MYOCD: variants seen among roughly 807,000 people sequenced by gnomAD.
The protein encoded by MYOCD is myocardin.
In MYOCD, 32 loss-of-function variants were observed where a neutral mutation model predicts 96.1. That is an observed-to-expected ratio of 0.33 (90% CI 0.25 to 0.45). The LOEUF is 0.45. Among genes scored for constraint, MYOCD ranks in the 20% least tolerant of loss-of-function variants. The probability of loss-of-function intolerance (pLI) is 1.00; values close to 1 mark genes in which losing one functional copy is unlikely to be tolerated. For missense variants in MYOCD, 1,133 were observed against 1,200.6 expected (o/e 0.94, Z 0.83); for synonymous variants, 469 against 469.0 (o/e 1.00, Z 0.00).
intron 5 of MYOCD, among the ~76,000 whole-genome samples, chr17:12,725,674 T>C (rs1311677980): frequency 6.6e-6 from 1 of 150,742 alleles, no homozygotes; most frequent in African/African-American, 2.4e-5. Context: ...ATATGTATTA[T>C]ATTATATTAG....
chr17:12,764,825 T>G lies in MYOCD; in HGVS notation c.*1181T>G, dbSNP rs1214854781. 2 of 152,186 alleles carry G rather than the reference T, an allele frequency of 1.3e-5. No homozygotes were observed. The highest frequency in any genetic ancestry group is 4.8e-5 in the African/African-American group (2 of 41,442). The allele number at this position is 152,186 out of a possible 1,614,324, so 9.4% of individuals were successfully genotyped here. A position where few individuals can be genotyped will look rare whatever the true frequency, so the allele number is the denominator to read the frequency against. On this transcript the variant is annotated 3_prime_UTR_variant, in exon 14 of 14. Transcript: ENST00000425538. The stretch of plus-strand genomic sequence containing the variant: ...CCTAAGAAAGCCATTTTTGAAAAAT[T>G]TAACAATCCAGGTTCTTCTGGAGAA...
Position 12,763,404 on chromosome 17 carries a change from C to T in MYOCD, c.2721C>T (p.Gly907=), listed in dbSNP as rs9913758. 1.2e-6 allele frequency: 2 copies of T among 1,605,518 alleles called. No individual in the cohort carries two copies. The highest frequency in any genetic ancestry group is 2.2e-5 in the East Asian group (1 of 44,758). The part of the protein sequence containing the change: ...DLFNAHEILP[G]PLSPMQTQFS... The stretch of plus-strand genomic sequence containing the variant: ...TCAATGCACATGAGATCTTGCCAGG[C>T]CCCCTCTCTCCAATGCAGACACAGT... The change falls in exon 14 of 14, where the codon GGC becomes GGT. Residue 907 remains glycine (G), a synonymous_variant. Coordinates refer to ENST00000425538, the MANE Select transcript of MYOCD (RefSeq NM_001146312.3).
intron 5 of MYOCD, among the ~76,000 whole-genome samples, chr17:12,727,995 C>G (rs1317086770): frequency 6.6e-6 from 1 of 152,180 alleles, no homozygotes; most frequent in Non-Finnish European, 1.5e-5. Flanking sequence ...GGGACTTGGT[C>G]CTCCTCGGGG....
At chr17:12,668,411 T>C (rs1909490961) in intron 1 of MYOCD, among the ~76,000 whole-genome samples, 1 of 152,258 alleles carries the variant, frequency 6.6e-6, no homozygotes, top group South Asian at 2.1e-4. Flanking sequence ...ATTCTCTGAT[T>C]ACAGCAACAG....
At chr17:12,693,065 T>A (rs2030539241) in intron 1 of MYOCD, among the ~76,000 whole-genome samples, 1 of 152,168 alleles carries the variant, frequency 6.6e-6, no homozygotes, top group Non-Finnish European at 1.5e-5. Flanking sequence ...TTCTCCACTA[T>A]ACTTGACCCA....
chr17:12,749,551 T>G (rs2150716115), intron 9 of MYOCD, among the ~76,000 whole-genome samples: 1 of 149,118 alleles, frequency 6.7e-6, no homozygotes, highest in East Asian at 2.0e-4. Context: ...TATATATGTA[T>G]GTATATACAT....
At chr17:12,760,332 G>A in intron 12 of MYOCD, 1 of 338,408 alleles carries the variant, frequency 3.0e-6, no homozygotes, top group South Asian at 3.3e-5. Context: ...GAAAATGGCG[G>A]TTGCCAGGGG....
At chr17:12,725,458 A>G (rs2031968700) in intron 5 of MYOCD, among the ~76,000 whole-genome samples, 1 of 148,548 alleles carries the variant, frequency 6.7e-6, no homozygotes, top group Non-Finnish European at 1.5e-5. Context: ...TATTATGCAA[A>G]CCAAATAATA....
intron 9 of MYOCD, 101 bp from the exon 10 acceptor site, chr17:12,752,313 T>C: frequency 9.8e-7 from 1 of 1,025,478 alleles, no homozygotes; most frequent in Non-Finnish European, 1.4e-6. Context: ...GTGGGTATTG[T>C]AGAATTCCAT....
intron 5 of MYOCD, among the ~76,000 whole-genome samples, chr17:12,727,882 C>A (rs1273803500): frequency 6.6e-6 from 1 of 152,154 alleles, no homozygotes; most frequent in Non-Finnish European, 1.5e-5. Flanking sequence ...ATCCCACTCC[C>A]AGGCTGCAAG....
At chr17:12,738,645 C>T (rs971695004) in intron 6 of MYOCD, among the ~76,000 whole-genome samples, 10 of 152,188 alleles carry the variant, frequency 6.6e-5, no homozygotes, top group African/African-American at 2.2e-4. Context: ...CAGACACACA[C>T]TTGGAGATAC....
At chr17:12,724,714 A>C (rs2031945333) in intron 5 of MYOCD, among the ~76,000 whole-genome samples, 1 of 152,078 alleles carries the variant, frequency 6.6e-6, no homozygotes, top group South Asian at 2.1e-4. Flanking sequence ...AGTATGTCTG[A>C]AACTATTTAA....
chr17:12,767,927 A>G lies in MYOCD; in HGVS notation c.*4283A>G, dbSNP rs1481309190. On this transcript the variant is annotated 3_prime_UTR_variant, in exon 14 of 14. Transcript: ENST00000425538. ...ACTTACTGGTGAGCCTCTGGCCCTT[A>G]AAAGAAAATCATCTAAGAATATGAA... is the stretch of plus-strand genomic sequence containing the variant. The G allele has an allele frequency of 2.6e-5, 4 of 152,184 alleles. No homozygotes were observed. Among genetic ancestry groups the G allele is most frequent in the African/African-American group, 9.7e-5 (4 of 41,444 alleles). The allele number at this position is 152,184 out of a possible 1,614,324, so 9.4% of individuals were successfully genotyped here.
intron 10 of MYOCD, among the ~76,000 whole-genome samples, chr17:12,754,061 G>GGTGTGTGTGTGTGTGTGTGTGT (rs71144923): frequency 6.7e-6 from 1 of 149,478 alleles, no homozygotes; most frequent in Non-Finnish European, 1.5e-5. Flanking sequence ...AAAGCAAAGA[G>GGTGTGTGTGTGTGTGTGTGTGT]GTGTGTGTGT....
chr17:12,716,008 AG>A (rs1300255654), intron 3 of MYOCD, among the ~76,000 whole-genome samples: 1 of 152,154 alleles, frequency 6.6e-6, no homozygotes, highest in Non-Finnish European at 1.5e-5. Context: ...TAAAGGCAAA[AG>A]GTTATTTTGC....
At chr17:12,669,446 T>C (rs1484398227) in intron 1 of MYOCD, among the ~76,000 whole-genome samples, 2 of 152,210 alleles carry the variant, frequency 1.3e-5, no homozygotes, top group African/African-American at 4.8e-5. Flanking sequence ...AATATAACCT[T>C]GTTCAGTTTA....
intron 1 of MYOCD, among the ~76,000 whole-genome samples, chr17:12,677,156 A>C (rs1216487062): frequency 6.6e-6 from 1 of 152,164 alleles, no homozygotes; most frequent in Non-Finnish European, 1.5e-5. Flanking sequence ...CAAGAACAGA[A>C]AACCAGATAC....
Position 12,753,175 on chromosome 17 carries a change from C to G in MYOCD, c.1887C>G (p.Leu629=). The G allele has an allele frequency of 6.2e-7, 1 of 1,614,192 alleles. No individual in the cohort carries two copies. Among genetic ancestry groups the G allele is most frequent in the Non-Finnish European group, 8.5e-7 (1 of 1,180,036 alleles). The change falls in exon 10 of 14, where the codon CTC becomes CTG. Residue 629 remains leucine (L), a synonymous_variant. Transcript: ENST00000425538. Reference sequence around the variant, plus strand: ...CCAATGTACTTTCTTCCACATTTCTCAGCCCCCAGTGTTCCCCTCAGCATT... The same window carrying G: ...CCAATGTACTTTCTTCCACATTTCTGAGCCCCCAGTGTTCCCCTCAGCATT... ...DQTNVLSSTF[L]SPQCSPQHSP...
chr17:12,726,775 G>A (rs577789772), intron 5 of MYOCD, among the ~76,000 whole-genome samples: 6 of 152,226 alleles, frequency 3.9e-5, no homozygotes, highest in Non-Finnish European at 7.4e-5. Context: ...TGTTCTGGAA[G>A]CATTTAAATA....
Sources: gnomAD v4.1 joint callset for allele counts (sites outside exome capture counted in the v4.1 genomes callset) on GRCh38, gnomAD v4.1.1 for gene constraint, MANE v1.5 for transcripts, NCBI Gene and HGNC (gene_info 2026-07-23, HGNC 2026-07-21) for gene names.